Variants in RIT2 observed in about 807,000 individuals in gnomAD.
The protein encoded by RIT2 is Ras like without CAAX 2.
Under a neutral mutation model 23.7 loss-of-function variants are expected in RIT2, and 24 were observed. The ratio of observed to expected loss-of-function variants is 1.01; its 90% CI spans 0.73 to 1.43. The LOEUF (loss-of-function observed/expected upper bound fraction) is 1.43, where lower values mean the gene tolerates loss of function less well. RIT2 is among the 40% of genes most tolerant of loss of function. RIT2 has a pLI of 0.00. For synonymous variants in RIT2, 107 were observed against 91.1 expected, an observed-to-expected ratio of 1.17 and a Z score of -0.99; for missense variants, 236 against 266.9, an observed-to-expected ratio of 0.88 and a Z score of 0.81.
At chr18:42,812,458 G>T (rs1261806518) in intron 4 of RIT2, among the ~76,000 whole-genome samples, 1 of 152,126 alleles carries the variant, frequency 6.6e-6, no homozygotes, top group Non-Finnish European at 1.5e-5. Flanking sequence ...GGTTCATATT[G>T]AATGAGTAAA....
chr18:42,811,255 T>G (rs1905842351), intron 4 of RIT2, among the ~76,000 whole-genome samples: 3 of 152,116 alleles, frequency 2.0e-5, no homozygotes, highest in Non-Finnish European at 4.4e-5. Context: ...TATCCATAGT[T>G]TTCCACTGAA....
At chr18:43,056,056 G>A (rs897937817) in intron 1 of RIT2, among the ~76,000 whole-genome samples, 5 of 152,032 alleles carry the variant, frequency 3.3e-5, no homozygotes, top group African/African-American at 1.2e-4. Flanking sequence ...GAAGGTTTAT[G>A]TACAGGGTCC....
At chr18:42,900,955 C>A (rs1908460220) in intron 4 of RIT2, among the ~76,000 whole-genome samples, 1 of 151,820 alleles carries the variant, frequency 6.6e-6, no homozygotes, top group Admixed American at 6.6e-5. Flanking sequence ...ATTTTTATAT[C>A]ACGGTTAAAA....
chr18:42,974,083 A>C lies in RIT2; in HGVS notation c.225T>G (p.Thr75=), dbSNP rs914429438. The C allele has an allele frequency of 2.5e-6, 4 of 1,610,142 alleles. No homozygotes were observed. In the African/African-American group the frequency reaches 5.4e-5, roughly 22 times the overall value. Residue 75 remains threonine (T), a synonymous_variant, in exon 3 of 5, where the codon ACT becomes ACG. Coordinates refer to ENST00000326695, the MANE Select transcript of RIT2 (RefSeq NM_002930.4). ...TAAGAACATCACCTACCTGGCCAGC[A>C]GTGTCCAAGATGTCCAAGTAAGCTG... The part of the protein sequence containing the change: ...NEPAYLDILD[T]AGQAEFTAMR...
chr18:42,984,387 G>C (rs1426709069), intron 2 of RIT2, among the ~76,000 whole-genome samples: 3 of 152,000 alleles, frequency 2.0e-5, no homozygotes, highest in Non-Finnish European at 4.4e-5. Context: ...GAACAGATTT[G>C]TGGGTGCCAG....
At chr18:42,910,859 T>C (rs1362296779) in intron 4 of RIT2, among the ~76,000 whole-genome samples, 4 of 152,132 alleles carry the variant, frequency 2.6e-5, no homozygotes, top group African/African-American at 9.6e-5. Context: ...TCCGTAATTA[T>C]AACATGGGTT....
intron 1 of RIT2, among the ~76,000 whole-genome samples, chr18:43,067,761 C>T (rs1374192206): frequency 1.3e-5 from 2 of 152,088 alleles, no homozygotes; most frequent in African/African-American, 4.8e-5. Flanking sequence ...TGCTGGTCAG[C>T]TGTTCCTGAA....
At chr18:43,023,489 T>G (rs1161536549) in intron 2 of RIT2, among the ~76,000 whole-genome samples, 2 of 152,084 alleles carry the variant, frequency 1.3e-5, no homozygotes, top group African/African-American at 4.8e-5. Flanking sequence ...ATCAAAATAT[T>G]CATTTTGTCT....
intron 4 of RIT2, among the ~76,000 whole-genome samples, chr18:42,813,557 T>A (rs1006754864): frequency 2.6e-5 from 4 of 152,218 alleles, no homozygotes; most frequent in Non-Finnish European, 4.4e-5. Flanking sequence ...GCCATATAAG[T>A]CAATACTGAG....
At chr18:42,898,294 T>C (rs1039668583) in intron 4 of RIT2, among the ~76,000 whole-genome samples, 3 of 152,094 alleles carry the variant, frequency 2.0e-5, no homozygotes, top group African/African-American at 4.8e-5. Flanking sequence ...CTTGGGAAGC[T>C]GAGTCATGAG....
chr18:42,948,901 C>T (rs192346890), intron 3 of RIT2: 271 of 395,826 alleles, frequency 6.8e-4, no homozygotes, highest in Non-Finnish European at 1.1e-3. Flanking sequence ...GGAAATGAGA[C>T]GGTCAGAGAA....
chr18:42,961,985 C>T (rs1052346670), intron 3 of RIT2, among the ~76,000 whole-genome samples: 1 of 152,172 alleles, frequency 6.6e-6, no homozygotes, highest in African/African-American at 2.4e-5. Flanking sequence ...TCACCTGTCT[C>T]ACCTATGTTT....
At chr18:42,992,585 G>T (rs531805506) in intron 2 of RIT2, among the ~76,000 whole-genome samples, 1 of 151,986 alleles carries the variant, frequency 6.6e-6, no homozygotes, top group South Asian at 2.1e-4. Context: ...AGCCTCCTCC[G>T]ATCCTCCACC....
intron 4 of RIT2, among the ~76,000 whole-genome samples, chr18:42,871,440 C>T (rs1186944125): frequency 6.6e-6 from 1 of 152,066 alleles, no homozygotes; most frequent in Non-Finnish European, 1.5e-5. Flanking sequence ...TAATTAAACA[C>T]ATTTTATATT....
intron 4 of RIT2, among the ~76,000 whole-genome samples, chr18:42,843,938 A>T (rs991712115): frequency 6.6e-6 from 1 of 152,232 alleles, no homozygotes; most frequent in Non-Finnish European, 1.5e-5. Flanking sequence ...TATGTTACCT[A>T]TTACAGGAAT....
At chr18:43,052,953 A>G (rs992032734) in intron 1 of RIT2, among the ~76,000 whole-genome samples, 6 of 152,058 alleles carry the variant, frequency 3.9e-5, no homozygotes, top group African/African-American at 1.4e-4. Context: ...TTTGATAGAT[A>G]CTATTTCATG....
At chr18:42,781,461 T>G (rs978551131) in intron 4 of RIT2, among the ~76,000 whole-genome samples, 1 of 152,132 alleles carries the variant, frequency 6.6e-6, no homozygotes, top group Non-Finnish European at 1.5e-5. Context: ...CCTTCCCTTT[T>G]GTTTATTCCA....
chr18:43,052,023 A>G (rs1432759199), intron 1 of RIT2, among the ~76,000 whole-genome samples: 1 of 152,082 alleles, frequency 6.6e-6, no homozygotes, highest in Non-Finnish European at 1.5e-5. Context: ...GGACTCTGCC[A>G]AAGTTTTACA....
chr18:42,994,448 G>C (rs7234116), intron 2 of RIT2, among the ~76,000 whole-genome samples: 193 of 152,142 alleles, frequency 1.3e-3, no homozygotes, highest in African/African-American at 4.4e-3. Context: ...TTGGATACCT[G>C]GTTTTGCCAT....
Sources: gnomAD v4.1 joint callset for allele counts (sites outside exome capture counted in the v4.1 genomes callset) on GRCh38, gnomAD v4.1.1 for gene constraint, MANE v1.5 for transcripts, NCBI Gene and HGNC (gene_info 2026-07-23, HGNC 2026-07-21) for gene names.